JAZF1: variants seen among roughly 807,000 people sequenced by gnomAD.
JAZF1 encodes juxtaposed with another zinc finger protein 1.
A neutral mutation model predicts 26.4 loss-of-function variants in JAZF1; 8 were observed. The observed-to-expected ratio is 0.30, with a 90% CI of 0.18 to 0.55. JAZF1 has a LOEUF of 0.55. Among genes scored for constraint, JAZF1 ranks in the 20% least tolerant of loss-of-function variants. The pLI, the probability that JAZF1 is intolerant of heterozygous loss-of-function variation, is 0.94. For synonymous variants in JAZF1, 126 were observed against 122.3 expected (o/e 1.03, Z -0.20); for missense variants, 199 against 322.0 (o/e 0.62, Z 2.92).
At chr7:27,990,812 G>A (rs1191538146) in intron 2 of JAZF1, among the ~76,000 whole-genome samples, 1 of 152,154 alleles carries the variant, frequency 6.6e-6, no homozygotes, top group Non-Finnish European at 1.5e-5. Context: ...TTCATTTGAT[G>A]TAATTTTGAA....
At chr7:28,151,089 T>G (rs1783104959) in intron 1 of JAZF1, among the ~76,000 whole-genome samples, 1 of 124,778 alleles carries the variant, frequency 8.0e-6, no homozygotes. Flanking sequence ...GGAGGGGGGA[T>G]TTTCGATATA....
rs112195245 is a variant in JAZF1 at position 28,127,010 on chromosome 7, T to A, written c.115+53453A>T. 2.4e-4 allele frequency among the ~76,000 whole-genome samples: 37 copies of A among 152,348 alleles called. 1 individual carries two copies. Among genetic ancestry groups the A allele is most frequent in the African/African-American group, 8.7e-4 (36 of 41,568 alleles). ...CTGGCCAAAGCCCCCTGTCTCTCAA[T>A]GAACAGTTTGTTCCAGACACTCAAT... On this transcript the variant is annotated intron_variant, in intron 1 of 4. Transcript: ENST00000283928.
intron 2 of JAZF1, among the ~76,000 whole-genome samples, chr7:27,980,891 C>T (rs1785570909): frequency 6.6e-6 from 1 of 152,094 alleles, no homozygotes; most frequent in Admixed American, 6.5e-5. Context: ...CCAAAGGTCC[C>T]CAAGACTCCT....
intron 1 of JAZF1, among the ~76,000 whole-genome samples, chr7:28,177,732 G>T (rs565093688): frequency 6.6e-6 from 1 of 152,084 alleles, no homozygotes; most frequent in Non-Finnish European, 1.5e-5. Context: ...AATCATTAAC[G>T]GTCTCCAAAT....
chr7:28,159,641 G>C (rs1384546194), intron 1 of JAZF1, among the ~76,000 whole-genome samples: 1 of 152,150 alleles, frequency 6.6e-6, no homozygotes, highest in African/African-American at 2.4e-5. Flanking sequence ...ACGAGCTCTA[G>C]GGTGGTGGAG....
intron 2 of JAZF1, among the ~76,000 whole-genome samples, chr7:27,982,323 G>A (rs1238510148): frequency 6.6e-6 from 1 of 152,204 alleles, no homozygotes; most frequent in Non-Finnish European, 1.5e-5. Context: ...TGGCTCAGAG[G>A]GTCCCACGCC....
chr7:28,047,906 C>T (rs62449896), intron 1 of JAZF1, among the ~76,000 whole-genome samples: 1,542 of 152,208 alleles, frequency 0.01, 15 homozygotes, highest in Non-Finnish European at 0.015. Flanking sequence ...TGATCATATT[C>T]TTGTCTGGTT....
At chr7:27,992,101 A>G in intron 1 of JAZF1, 120 bp from the exon 2 acceptor site, 1 of 736,860 alleles carries the variant, frequency 1.4e-6, no homozygotes, top group Non-Finnish European at 2.5e-6. Context: ...ACCACTTTTT[A>G]AAGAAAACTG....
chr7:28,044,644 T>C (rs373720656), intron 1 of JAZF1, among the ~76,000 whole-genome samples: 5 of 152,306 alleles, frequency 3.3e-5, no homozygotes, highest in African/African-American at 1.2e-4. Flanking sequence ...CAAAATGTAT[T>C]TTTCTTTAGT....
intron 4 of JAZF1, among the ~76,000 whole-genome samples, chr7:27,835,119 C>CCCCTCATTAATAATCATT (rs1355268550): frequency 6.6e-6 from 1 of 152,100 alleles, no homozygotes; most frequent in Admixed American, 6.5e-5. Flanking sequence ...TGATGCAGGA[C>CCCCTCATTAATAATCATT]AGCTCATTAA....
intron 3 of JAZF1, chr7:27,841,224 T>C: frequency 4.5e-6 from 1 of 221,370 alleles, no homozygotes; most frequent in Non-Finnish European, 8.9e-6. Context: ...GACAGGCTCC[T>C]CACACTCCCC....
At chr7:28,035,340 A>AG (rs1279708300) in intron 1 of JAZF1, among the ~76,000 whole-genome samples, 25 of 145,362 alleles carry the variant, frequency 1.7e-4, no homozygotes, top group African/African-American at 6.1e-4. Flanking sequence ...AAAAAAAAAA[A>AG]AAAGAAAGAA....
chr7:27,987,019 C>G (rs1199903265), intron 2 of JAZF1, among the ~76,000 whole-genome samples: 1 of 152,144 alleles, frequency 6.6e-6, no homozygotes, highest in Non-Finnish European at 1.5e-5. Context: ...CTCCACCTCC[C>G]AGCCGCCTGC....
At chr7:27,942,995 CT>C (rs1234350357) in intron 2 of JAZF1, among the ~76,000 whole-genome samples, 2 of 152,204 alleles carry the variant, frequency 1.3e-5, no homozygotes, top group African/African-American at 4.8e-5. Context: ...CAAACCTCCT[CT>C]GGCTTAATCC....
chr7:27,933,625 A>T (rs980549499), intron 2 of JAZF1, among the ~76,000 whole-genome samples: 9 of 152,242 alleles, frequency 5.9e-5, no homozygotes, highest in African/African-American at 2.2e-4. Flanking sequence ...TATTTGGCTA[A>T]ATATTCTTTA....
chr7:27,861,591 G>T (rs999045715), intron 3 of JAZF1, among the ~76,000 whole-genome samples: 1 of 81,054 alleles, frequency 1.2e-5, no homozygotes, highest in Non-Finnish European at 2.4e-5. Flanking sequence ...TCTCTGTAAG[G>T]AGAAGGTTGT....
intron 1 of JAZF1, among the ~76,000 whole-genome samples, chr7:28,040,892 G>A (rs970974451): frequency 3.3e-5 from 5 of 151,936 alleles, no homozygotes; most frequent in African/African-American, 2.4e-5. Context: ...CCATTTAATC[G>A]GCTAATATTT....
chr7:27,873,335 T>C (rs563068806), intron 3 of JAZF1, among the ~76,000 whole-genome samples: 16 of 152,346 alleles, frequency 1.1e-4, no homozygotes, highest in Admixed American at 2.6e-4. Context: ...TCTTCTTTGA[T>C]TGCATTAGTT....
At chr7:28,057,490 T>C (rs549267466) in intron 1 of JAZF1, among the ~76,000 whole-genome samples, 18 of 152,344 alleles carry the variant, frequency 1.2e-4, no homozygotes, top group South Asian at 4.1e-4. Context: ...TCTTATGTGA[T>C]AAAAACATCT....
Sources: gnomAD v4.1 joint callset for allele counts (sites outside exome capture counted in the v4.1 genomes callset) on GRCh38, gnomAD v4.1.1 for gene constraint, MANE v1.5 for transcripts, NCBI Gene and HGNC (gene_info 2026-07-23, HGNC 2026-07-21) for gene names.